RUBCNL: variants seen among roughly 807,000 people sequenced by gnomAD.
The protein encoded by RUBCNL is rubicon like autophagy enhancer, also known as protein associated with UVRAG as autophagy enhancer.
In RUBCNL, 62 loss-of-function variants were observed where a neutral mutation model predicts 69.5. The observed-to-expected ratio is 0.89, with a 90% CI of 0.73 to 1.10. The LOEUF (loss-of-function observed/expected upper bound fraction) is 1.10, where lower values mean the gene tolerates loss of function less well. Among genes scored for constraint, RUBCNL ranks in the 50% least tolerant of loss-of-function variants. The pLI is 0.00. For missense variants in RUBCNL, 768 were observed against 798.1 expected, an observed-to-expected ratio of 0.96 and a Z score of 0.45; for synonymous variants, 291 against 303.6, an observed-to-expected ratio of 0.96 and a Z score of 0.43.
rs189092089 is a variant in RUBCNL, at chr13:46,346,456, C to T, written c.1632-856G>A. ...CTGCCTCCGTTTGTATCCTCATGGT[C>T]CCCCGACACGTGTCTAACACTCAGT... On this transcript the variant is annotated intron_variant, in intron 12 of 14. Coordinates refer to ENST00000429979, the MANE Select transcript of RUBCNL (RefSeq NM_025113.5). 2.0e-4 allele frequency among the ~76,000 whole-genome samples: 31 copies of T among 152,306 alleles called. No homozygotes were observed. The East Asian group carries it at 3.1e-3, about 15-fold the overall frequency.
chr13:46,343,541 T>C, intron 14 of RUBCNL, 44 bp from the exon 15 acceptor site: 1 of 1,581,166 alleles, frequency 6.3e-7, no homozygotes, highest in African/African-American at 1.3e-5. Flanking sequence ...TCTATCTTGT[T>C]TTCTCACATT....
intron 12 of RUBCNL, among the ~76,000 whole-genome samples, chr13:46,346,256 T>C (rs2048243686): frequency 6.6e-6 from 1 of 152,176 alleles, no homozygotes; most frequent in Non-Finnish European, 1.5e-5. Flanking sequence ...CATGCTACAA[T>C]GCCAAATTCT....
upstream of RUBCNL, among the ~76,000 whole-genome samples, chr13:46,389,625 A>G (rs1764393497): frequency 6.6e-6 from 1 of 152,216 alleles, no homozygotes; most frequent in African/African-American, 2.4e-5. This position sits in a 1 kb window ranked among gnomAD's most constrained non-coding sequence, Gnocchi z 4.2. Context: ...CAAAACTGCC[A>G]TAAGGCAGGC....
rs78934774 is a variant in RUBCNL at position 46,350,643 on chromosome 13, G to T, written c.1331-292C>A. On this transcript the variant is annotated intron_variant, in intron 10 of 14. Transcript: ENST00000429979. The stretch of plus-strand genomic sequence containing the variant: ...ATTGCAAACTGCAGTGTAGCAAAAG[G>T]AACATTCATTTTAGGATCTGGAAAT... 1,527 of 304,776 alleles carry T rather than the reference G, an allele frequency of 5.0e-3. 13 individuals carry two copies. Among genetic ancestry groups the T allele is most frequent in the African/African-American group, 0.029 (1,377 of 46,880 alleles). The allele number at this position is 304,776 out of a possible 1,614,324, so 18.9% of individuals were successfully genotyped here.
chr13:46,352,571 G>A (rs190305978), intron 10 of RUBCNL, among the ~76,000 whole-genome samples: 4 of 151,900 alleles, frequency 2.6e-5, no homozygotes, highest in African/African-American at 4.8e-5. Context: ...TTGGGAGGCC[G>A]AGGTGGGCAG....
intron 3 of RUBCNL, among the ~76,000 whole-genome samples, chr13:46,369,293 C>A (rs183828261): frequency 6.6e-6 from 1 of 152,198 alleles, no homozygotes; most frequent in Non-Finnish European, 1.5e-5. Flanking sequence ...CACTTTAGTG[C>A]GGCTTCAACC....
chr13:46,340,908 C>A lies in RUBCNL; in HGVS notation c.*2477G>T, dbSNP rs367806484. ...CCTCTTATTAGGCCTACCTTCAACA[C>A]TGGGGATCAAATTTCACCATGAGGT... On this transcript the variant is annotated 3_prime_UTR_variant, in exon 15 of 15. Transcript: ENST00000429979. 6.6e-6 allele frequency among the ~76,000 whole-genome samples: 1 copy of A among 152,208 alleles called. No individual in the cohort carries two copies. Among genetic ancestry groups the A allele is most frequent in the African/African-American group, 2.4e-5 (1 of 41,454 alleles).
At chr13:46,345,639 CCACA>C in intron 12 of RUBCNL, 39 bp from the exon 13 acceptor site, 1 of 1,606,936 alleles carries the variant, frequency 6.2e-7, no homozygotes, top group East Asian at 2.2e-5. Context: ...AGAAACCCAC[CCACA>C]CAGAGGACAG....
chr13:46,359,442 G>A lies in RUBCNL; in HGVS notation c.1265+44C>T, dbSNP rs536104877. 3.8e-6 allele frequency: 6 copies of A among 1,561,408 alleles called. No homozygotes were observed. In the Admixed American group the frequency reaches 7.2e-5, roughly 19 times the overall value. On this transcript the variant is annotated intron_variant, in intron 9 of 14. Coordinates refer to ENST00000429979, the MANE Select transcript of RUBCNL (RefSeq NM_025113.5). ...AGAGTCAGGTGGGATCTGTCACAAT[G>A]TGATTTAAATGGATTGGAGGCCCAA...
chr13:46,362,510 A>T, intron 7 of RUBCNL, 28 bp downstream of exon 7: 1 of 1,547,026 alleles, frequency 6.5e-7, no homozygotes, highest in Non-Finnish European at 8.9e-7. Context: ...CCAAGGGTCT[A>T]TGTGCACTGT....
At chr13:46,373,700 G>A (rs752639378) in intron 2 of RUBCNL, among the ~76,000 whole-genome samples, 1 of 152,258 alleles carries the variant, frequency 6.6e-6, no homozygotes, top group South Asian at 2.1e-4. Flanking sequence ...AGAGATAGAA[G>A]GGTGGCCTAT....
Position 46,339,929 on chromosome 13 carries a change from T to C in RUBCNL, c.*3456A>G, listed in dbSNP as rs1364668913. ...ATTTATTCTCTCATAATTCTCAATGTCAGAAGTTTGAAATCAAGGGGTCAG... is the reference window on the plus strand; with the variant it reads ...ATTTATTCTCTCATAATTCTCAATGCCAGAAGTTTGAAATCAAGGGGTCAG... On this transcript the variant is annotated 3_prime_UTR_variant, in exon 15 of 15. Transcript: ENST00000429979. Among the ~76,000 whole-genome samples the C allele has an allele frequency of 6.6e-6, 1 of 151,248 alleles. No homozygotes were observed.
chr13:46,388,774 G>A (rs987056221), upstream of RUBCNL, among the ~76,000 whole-genome samples: 1 of 152,196 alleles, frequency 6.6e-6, no homozygotes, highest in Non-Finnish European at 1.5e-5. Context: ...TGGAGCAGAG[G>A]CACTGGTAAT....
chr13:46,384,876 A>G (rs2049203205), intron 1 of RUBCNL, among the ~76,000 whole-genome samples: 1 of 152,186 alleles, frequency 6.6e-6, no homozygotes, highest in African/African-American at 2.4e-5. Flanking sequence ...TTAGAAAAGG[A>G]AGTAAAGTGA....
chr13:46,354,658 T>C, intron 10 of RUBCNL: 1 of 408,874 alleles, frequency 2.4e-6, no homozygotes, highest in Non-Finnish European at 5.0e-6. Flanking sequence ...CGATGAAACC[T>C]CTTACTCCCA....
Position 46,350,010 on chromosome 13 carries a change from C to T in RUBCNL, c.1569+103G>A, listed in dbSNP as rs188655493. ...CTTCACTCGCTTTATGATCCATTTG[C>T]CTCTTAGAGGATGTATCTGTGGGTT... On this transcript the variant is annotated intron_variant, in intron 11 of 14. Coordinates refer to ENST00000429979, the MANE Select transcript of RUBCNL (RefSeq NM_025113.5). The T allele has an allele frequency of 5.0e-5, 42 of 841,608 alleles. No individual in the cohort carries two copies. The African/African-American group carries it at 6.0e-4, about 12-fold the overall frequency. 52.1% of individuals were successfully genotyped at this position (841,608 alleles called of 1,614,324 possible).
intron 1 of RUBCNL, among the ~76,000 whole-genome samples, chr13:46,379,744 T>C (rs1441169259): frequency 6.6e-6 from 1 of 152,190 alleles, no homozygotes; most frequent in Admixed American, 6.5e-5. Context: ...AATAAACAAA[T>C]ACTGAGTAGA....
chr13:46,370,698 C>T (rs994914766), intron 3 of RUBCNL, among the ~76,000 whole-genome samples: 6 of 152,088 alleles, frequency 3.9e-5, no homozygotes, highest in African/African-American at 1.4e-4. Context: ...GAACTACTTC[C>T]TGTACCATGA....
Position 46,339,811 on chromosome 13 carries a change from A to C in RUBCNL, c.*3574T>G, listed in dbSNP as rs1336962437. Among the ~76,000 whole-genome samples, 2 of 152,152 alleles carry C rather than the reference A, an allele frequency of 1.3e-5. No individual in the cohort carries two copies. The highest frequency in any genetic ancestry group is 3.2e-3 in the Middle Eastern group (1 of 316). On this transcript the variant is annotated 3_prime_UTR_variant, in exon 15 of 15. Coordinates refer to ENST00000429979, the MANE Select transcript of RUBCNL (RefSeq NM_025113.5). ...GTGGCGGAGGTTGAAGTGAGCTGAGATCGCACCACTGCACTATAGCCTGGG... is the reference window on the plus strand; with the variant it reads ...GTGGCGGAGGTTGAAGTGAGCTGAGCTCGCACCACTGCACTATAGCCTGGG...
Sources: allele counts gnomAD v4.1 joint callset (sites outside exome capture counted in the v4.1 genomes callset), GRCh38; gene constraint gnomAD v4.1.1; non-coding constraint Gnocchi (gnomAD v3.1); transcripts MANE v1.5; gene names NCBI Gene and HGNC (gene_info 2026-07-23, HGNC 2026-07-21).